Variants in FAM163A observed in about 807,000 individuals in gnomAD.
FAM163A encodes the protein family with sequence similarity 163 member A.
Under a neutral mutation model 12.0 loss-of-function variants are expected in FAM163A, and 7 were observed. The ratio of observed to expected loss-of-function variants is 0.58; its 90% CI spans 0.33 to 1.10. The LOEUF is 1.10. Among genes scored for constraint, FAM163A ranks in the 50% least tolerant of loss-of-function variants. The pLI is 0.03. For missense variants in FAM163A, 202 were observed against 218.6 expected, an observed-to-expected ratio of 0.92 and a Z score of 0.48; for synonymous variants, 101 against 91.0, an observed-to-expected ratio of 1.11 and a Z score of -0.62.
Position 179,798,123 on chromosome 1 carries a change from G to A in FAM163A, c.-135-9675G>A, listed in dbSNP as rs557008672. Among the ~76,000 whole-genome samples the A allele has an allele frequency of 1.4e-4, 22 of 152,128 alleles. No homozygotes were observed. The South Asian group carries it at 2.9e-3, about 20-fold the overall frequency. Reference sequence around the variant, plus strand: ...CAGGTACCTGTAATCCCAGCTACTCGGGTGGCTGATACACAAGAAACGCTT... The same window carrying A: ...CAGGTACCTGTAATCCCAGCTACTCAGGTGGCTGATACACAAGAAACGCTT... On this transcript the variant is annotated intron_variant, in intron 1 of 4. Coordinates refer to ENST00000341785, the MANE Select transcript of FAM163A (RefSeq NM_173509.3).
At chr1:179,736,915 C>G in the FAM163A span, among the ~76,000 whole-genome samples, 1 of 152,136 alleles carries the variant, frequency 6.6e-6, no homozygotes, top group Non-Finnish European at 1.5e-5. Context: ...TAAAATGGTA[C>G]AGCTGCTGCG....
chr1:179,813,423 T>C (rs1029857262), intron 4 of FAM163A, among the ~76,000 whole-genome samples: 10 of 152,048 alleles, frequency 6.6e-5, no homozygotes, highest in African/African-American at 1.2e-4. Flanking sequence ...TACGGGGTCA[T>C]TGGGTTGTGT....
intron 1 of FAM163A, among the ~76,000 whole-genome samples, chr1:179,755,621 A>G (rs1219885938): frequency 6.6e-6 from 1 of 152,236 alleles, no homozygotes. Context: ...GATAATGGAA[A>G]TAGAACACTC....
At chr1:179,762,197 C>T (rs984937030) in intron 1 of FAM163A, among the ~76,000 whole-genome samples, 10 of 152,170 alleles carry the variant, frequency 6.6e-5, no homozygotes, top group Non-Finnish European at 1.2e-4. Flanking sequence ...GAGAGATAAT[C>T]ATGTTAGAAA....
At chr1:179,748,434 G>A (rs1684817385) in intron 1 of FAM163A, among the ~76,000 whole-genome samples, 1 of 152,162 alleles carries the variant, frequency 6.6e-6, no homozygotes, top group Non-Finnish European at 1.5e-5. Flanking sequence ...CAAAAATAAA[G>A]ATGTTTACAT....
chr1:179,799,244 C>G (rs1692822007), intron 1 of FAM163A, among the ~76,000 whole-genome samples: 1 of 152,248 alleles, frequency 6.6e-6, no homozygotes, highest in Non-Finnish European at 1.5e-5. Flanking sequence ...TCAGAACACC[C>G]TCTAAACAAT....
At chr1:179,797,457 A>G (rs944790586) in intron 1 of FAM163A, among the ~76,000 whole-genome samples, 2 of 152,162 alleles carry the variant, frequency 1.3e-5, no homozygotes, top group African/African-American at 4.8e-5. Context: ...TGTCTCAAAA[A>G]AAAGGGAAAT....
At chr1:179,796,709 C>G (rs1291592374) in intron 1 of FAM163A, among the ~76,000 whole-genome samples, 1 of 152,194 alleles carries the variant, frequency 6.6e-6, no homozygotes, top group African/African-American at 2.4e-5. Context: ...CCCAACTTAC[C>G]TTTTACCCCA....
chr1:179,799,018 C>G (rs2148300155), intron 1 of FAM163A, among the ~76,000 whole-genome samples: 1 of 152,276 alleles, frequency 6.6e-6, no homozygotes, highest in South Asian at 2.1e-4. Context: ...ATGCAATGAC[C>G]CTCCTTATCT....
At chr1:179,746,996 C>T (rs1160775160) in intron 1 of FAM163A, among the ~76,000 whole-genome samples, 1 of 152,146 alleles carries the variant, frequency 6.6e-6, no homozygotes, top group Admixed American at 6.5e-5. Flanking sequence ...ACCCCTTTCT[C>T]TATTGCCCTA....
intron 2 of FAM163A, among the ~76,000 whole-genome samples, chr1:179,808,814 G>A (rs1459382919): frequency 6.6e-6 from 1 of 152,168 alleles, no homozygotes; most frequent in Non-Finnish European, 1.5e-5. Flanking sequence ...GGAGCACTTT[G>A]TAAACTGTAG....
chr1:179,793,015 G>GA (rs147410189), intron 1 of FAM163A, among the ~76,000 whole-genome samples: 32 of 145,146 alleles, frequency 2.2e-4, no homozygotes, highest in South Asian at 4.4e-4. Context: ...AGAATATCAT[G>GA]AAAAAAAAAA....
intron 1 of FAM163A, among the ~76,000 whole-genome samples, chr1:179,805,265 C>A (rs1693767537): frequency 6.6e-6 from 1 of 152,158 alleles, no homozygotes; most frequent in Non-Finnish European, 1.5e-5. Context: ...CGCCTGTAAT[C>A]CTAGTACTTT....
chr1:179,797,896 T>G (rs754357250), intron 1 of FAM163A, among the ~76,000 whole-genome samples: 15 of 152,172 alleles, frequency 9.9e-5, no homozygotes, highest in Non-Finnish European at 7.3e-5. Context: ...TATGTGTTGA[T>G]GTGCGGTTGA....
chr1:179,727,927 A>G, the FAM163A span, among the ~76,000 whole-genome samples: 870 of 152,336 alleles, frequency 5.7e-3, 6 homozygotes, highest in Non-Finnish European at 7.7e-3. Flanking sequence ...ATTTGCCAAC[A>G]TAAGAAAGTT....
At chr1:179,789,577 C>T (rs1280965165) in intron 1 of FAM163A, among the ~76,000 whole-genome samples, 1 of 152,174 alleles carries the variant, frequency 6.6e-6, no homozygotes, top group Non-Finnish European at 1.5e-5. Flanking sequence ...TCCTATCATC[C>T]AACCAGGAGG....
chr1:179,790,976 C>T (rs1300791051), intron 1 of FAM163A, among the ~76,000 whole-genome samples: 1 of 152,112 alleles, frequency 6.6e-6, no homozygotes, highest in Non-Finnish European at 1.5e-5. Flanking sequence ...CTAGAGCTCC[C>T]ATCAGTTATT....
chr1:179,812,977 C>A (rs1694903958), intron 3 of FAM163A, 99 bp from the exon 4 acceptor site: 1 of 1,136,120 alleles, frequency 8.8e-7, no homozygotes, highest in Non-Finnish European at 1.3e-6. Flanking sequence ...GCTCTCAGGC[C>A]CCCTGCCCCA....
At chr1:179,789,719 T>A (rs942104132) in intron 1 of FAM163A, among the ~76,000 whole-genome samples, 9 of 152,100 alleles carry the variant, frequency 5.9e-5, no homozygotes, top group South Asian at 2.1e-4. Context: ...GCAAAGTCAT[T>A]AACTAATCGA....
Sources: gnomAD v4.1 joint callset for allele counts (sites outside exome capture counted in the v4.1 genomes callset) on GRCh38, gnomAD v4.1.1 for gene constraint, MANE v1.5 for transcripts, NCBI Gene and HGNC (gene_info 2026-07-23, HGNC 2026-07-21) for gene names.